The following ABCB1 variants were observed in gnomAD, a reference collection of about 807,000 sequenced individuals.
ABCB1 encodes ATP-dependent translocase ABCB1.
Under a neutral mutation model 142.0 loss-of-function variants are expected in ABCB1, and 69 were observed. That is an observed-to-expected ratio of 0.49 (90% confidence interval 0.40 to 0.59). ABCB1 has a LOEUF of 0.59. Among genes scored for constraint, ABCB1 ranks in the 20% least tolerant of loss-of-function variants. ABCB1 has a pLI of 0.00. For missense variants in ABCB1, 1,326 were observed against 1,554.7 expected, an observed-to-expected ratio of 0.85 and a Z score of 2.47; for synonymous variants, 532 against 539.2, an observed-to-expected ratio of 0.99 and a Z score of 0.18.
chr7:87,653,322 A>G (rs150267282), intron 1 of ABCB1, among the ~76,000 whole-genome samples: 4 of 152,214 alleles, frequency 2.6e-5, no homozygotes, highest in Admixed American at 2.6e-4. Flanking sequence ...ATAAATATGT[A>G]GAACATTTTG....
chr7:87,534,411 T>C lies in ABCB1; in HGVS notation c.2481+2047A>G, dbSNP rs138324397. On this transcript the variant is annotated intron_variant, in intron 20 of 27. Coordinates refer to ENST00000622132, the MANE Select transcript of ABCB1 (RefSeq NM_001348946.2). ...TACAGAGTAGGAGTCTATAGAGTTG[T>C]GAGGACCAAAATGAATGGAGAAGCA... 3.4e-3 allele frequency among the ~76,000 whole-genome samples: 524 copies of C among 152,288 alleles called. 4 individuals are homozygous for C. Among genetic ancestry groups the C allele is most frequent in the African/African-American group, 0.012 (482 of 41,562 alleles).
Position 87,590,268 on chromosome 7 carries a change from T to C in ABCB1, c.118-4588A>G, listed in dbSNP as rs144176510. On this transcript the variant is annotated intron_variant, in intron 3 of 27. Transcript: ENST00000622132. The stretch of plus-strand genomic sequence containing the variant: ...AAGGGGGAATAGATGTATTCAACAT[T>C]CATTCAATATTTAAGTTGCTATGAA... 5.1e-3 allele frequency among the ~76,000 whole-genome samples: 773 copies of C among 152,330 alleles called. 10 individuals are homozygous for C. The highest frequency in any genetic ancestry group is 0.017 in the African/African-American group (725 of 41,578).
chr7:87,602,033 G>A (rs900871596), upstream of ABCB1, among the ~76,000 whole-genome samples: 2 of 151,614 alleles, frequency 1.3e-5, no homozygotes, highest in African/African-American at 2.4e-5. Context: ...TTGCTTTGTC[G>A]CCCAGGCTGG....
intron 1 of ABCB1, among the ~76,000 whole-genome samples, chr7:87,637,141 A>G (rs1055544509): frequency 6.6e-6 from 1 of 152,186 alleles, no homozygotes; most frequent in Non-Finnish European, 1.5e-5. Context: ...TATGGGAACT[A>G]CAATTCAAGA....
chr7:87,615,586 A>G (rs527696082), intron 1 of ABCB1, among the ~76,000 whole-genome samples: 1 of 152,350 alleles, frequency 6.6e-6, no homozygotes, highest in East Asian at 1.9e-4. Context: ...AGCTGTTTCA[A>G]TGATCCAGGT....
chr7:87,578,179 C>A (rs1334865098), intron 4 of ABCB1, among the ~76,000 whole-genome samples: 2 of 152,280 alleles, frequency 1.3e-5, no homozygotes, highest in East Asian at 1.9e-4. Context: ...AAGAGACGGT[C>A]TTTTCCCCAA....
intron 22 of ABCB1, 101 bp downstream of exon 22, chr7:87,520,675 C>A (rs1815461790): frequency 9.8e-7 from 1 of 1,022,758 alleles, no homozygotes; most frequent in Non-Finnish European, 1.5e-6. Context: ...AGCACTTTCT[C>A]CACTTGCTCC....
intron 1 of ABCB1, among the ~76,000 whole-genome samples, chr7:87,670,154 G>A (rs1269515241): frequency 6.6e-6 from 1 of 152,082 alleles, no homozygotes; most frequent in Non-Finnish European, 1.5e-5. Flanking sequence ...CTTCTCACAG[G>A]TTTTGTTTAT....
At chr7:87,641,966 A>T (rs982883076) in intron 1 of ABCB1, among the ~76,000 whole-genome samples, 1 of 152,152 alleles carries the variant, frequency 6.6e-6, no homozygotes. Context: ...TAAAATTTTC[A>T]TAAATCAATC....
intron 3 of ABCB1, among the ~76,000 whole-genome samples, chr7:87,586,477 A>C (rs1220363508): frequency 1.3e-5 from 2 of 152,222 alleles, no homozygotes. Flanking sequence ...GGGAAAAAAA[A>C]CAGAAATGGG....
chr7:87,615,416 T>A (rs1437788558), intron 1 of ABCB1, among the ~76,000 whole-genome samples: 1 of 152,258 alleles, frequency 6.6e-6, no homozygotes, highest in Non-Finnish European at 1.5e-5. Flanking sequence ...GGTTAGATCC[T>A]GCAGGATGTG....
At chr7:87,611,460 A>G (rs1425653925) in intron 1 of ABCB1, among the ~76,000 whole-genome samples, 1 of 152,134 alleles carries the variant, frequency 6.6e-6, no homozygotes, top group East Asian at 1.9e-4. Flanking sequence ...ACTTACAAAT[A>G]AGAACATGTG....
intron 2 of ABCB1, among the ~76,000 whole-genome samples, chr7:87,598,424 A>C (rs1819300245): frequency 6.6e-6 from 1 of 152,200 alleles, no homozygotes; most frequent in Admixed American, 6.5e-5. Context: ...CTACCGTGAG[A>C]GATACCAGGT....
At chr7:87,618,942 C>T (rs1431879579) in intron 1 of ABCB1, among the ~76,000 whole-genome samples, 3 of 152,142 alleles carry the variant, frequency 2.0e-5, no homozygotes, top group East Asian at 1.9e-4. Context: ...CTACCAACAA[C>T]TTGAATGAGC....
intron 1 of ABCB1, among the ~76,000 whole-genome samples, chr7:87,625,308 T>C (rs1820372507): frequency 6.6e-6 from 1 of 151,840 alleles, no homozygotes; most frequent in Non-Finnish European, 1.5e-5. Context: ...TCATTTAAGA[T>C]GGAGTTTTAC....
chr7:87,616,183 A>G (rs143186798), intron 1 of ABCB1, among the ~76,000 whole-genome samples: 32 of 152,332 alleles, frequency 2.1e-4, no homozygotes, highest in African/African-American at 7.5e-4. Flanking sequence ...TATTACTCGG[A>G]ATAATAAGAT....
intron 1 of ABCB1, among the ~76,000 whole-genome samples, chr7:87,698,765 T>C (rs1384683317): frequency 2.0e-5 from 3 of 152,146 alleles, no homozygotes; most frequent in Admixed American, 6.5e-5. Context: ...GCCTAATATG[T>C]GAAATAATCA....
intron 1 of ABCB1, among the ~76,000 whole-genome samples, chr7:87,626,869 G>C (rs896394396): frequency 1.3e-5 from 2 of 151,824 alleles, no homozygotes; most frequent in African/African-American, 4.8e-5. Flanking sequence ...TCCGCCTCCC[G>C]GGTTCAAACG....
chr7:87,605,959 T>C (rs905053817), intron 1 of ABCB1, among the ~76,000 whole-genome samples: 1 of 151,974 alleles, frequency 6.6e-6, no homozygotes, highest in Non-Finnish European at 1.5e-5. Context: ...TAAATAATAA[T>C]ATGGCAATAA....
Sources: gnomAD v4.1 joint callset for allele counts (sites outside exome capture counted in the v4.1 genomes callset) on GRCh38, gnomAD v4.1.1 for gene constraint, MANE v1.5 for transcripts, NCBI Gene and HGNC (gene_info 2026-07-23, HGNC 2026-07-21) for gene names.